SYNPO: variants seen among roughly 807,000 people sequenced by gnomAD.
The protein encoded by SYNPO is synaptopodin.
In SYNPO, 19 loss-of-function variants were observed where a neutral mutation model predicts 49.5. The observed-to-expected ratio is 0.38, with a 90% confidence interval of 0.27 to 0.56. The LOEUF (loss-of-function observed/expected upper bound fraction) is 0.56, where lower values mean the gene tolerates loss of function less well. Ranked by LOEUF, SYNPO falls within the 20% of genes least tolerant of loss-of-function variation. The pLI is 0.68. For synonymous variants in SYNPO, 536 were observed against 548.0 expected, an observed-to-expected ratio of 0.98 and a Z score of 0.31; for missense variants, 1,131 against 1,248.3, an observed-to-expected ratio of 0.91 and a Z score of 1.42.
At chr5:150,629,058 A>G (rs115497954) in intron 2 of SYNPO, among the ~76,000 whole-genome samples, 3,432 of 152,198 alleles carry the variant, frequency 0.023, 114 homozygotes, top group African/African-American at 0.077. Flanking sequence ...TGACTCGGCC[A>G]CCCAGGCTGG....
chr5:150,640,179 A>G (rs1396877628), upstream of SYNPO: 2 of 985,136 alleles, frequency 2.0e-6, no homozygotes, highest in African/African-American at 3.5e-5. Context: ...TAAATAATAC[A>G]CAAGGTGGTG....
Position 150,633,312 on chromosome 5 carries a change from G to A in SYNPO, c.400+14545G>A, listed in dbSNP as rs1299189682. Among the ~76,000 whole-genome samples the A allele has an allele frequency of 3.3e-5, 5 of 152,192 alleles. No homozygotes were observed. The East Asian group carries it at 7.7e-4, about 23-fold the overall frequency. ...GAAACTGAGGCTCCGCACATATAAG[G>A]CTTGCTAAAGGTCACCATAGCTAGT... On this transcript the variant is annotated intron_variant, in intron 2 of 2. Coordinates refer to the SYNPO transcript ENST00000394243.
At chr5:150,606,599 A>G (rs1756699722) in intron 1 of SYNPO, among the ~76,000 whole-genome samples, 1 of 152,230 alleles carries the variant, frequency 6.6e-6, no homozygotes, top group South Asian at 2.1e-4. Flanking sequence ...GGGGACCAGC[A>G]CTTTCACCTC....
intron 2 of SYNPO, among the ~76,000 whole-genome samples, chr5:150,631,224 C>T (rs542033209): frequency 2.0e-5 from 3 of 152,318 alleles, no homozygotes; most frequent in South Asian, 2.1e-4. Flanking sequence ...CCCTGCCCTG[C>T]GGGGACAGGC....
chr5:150,596,697 C>T (rs545918057), upstream of SYNPO, among the ~76,000 whole-genome samples: 13 of 152,230 alleles, frequency 8.5e-5, no homozygotes, highest in East Asian at 3.9e-4. Flanking sequence ...GCCCAGGGTA[C>T]CTTCTTGAGG....
chr5:150,602,869 G>A (rs1756581564), intron 1 of SYNPO, among the ~76,000 whole-genome samples: 2 of 152,104 alleles, frequency 1.3e-5, no homozygotes, highest in South Asian at 4.1e-4. Context: ...GTTCCTAAGA[G>A]CGTTGGTTTT....
intron 1 of SYNPO, among the ~76,000 whole-genome samples, chr5:150,647,135 C>T (rs1011884054): frequency 3.3e-5 from 5 of 150,966 alleles, no homozygotes; most frequent in East Asian, 2.0e-4. Context: ...CCCAGCTACT[C>T]GGGAGGCTGA....
At chr5:150,618,444 C>G (rs922311319) in exon 2 of SYNPO, 3 of 1,551,688 alleles carry the variant, frequency 1.9e-6, no homozygotes, top group Non-Finnish European at 1.7e-6. Context: ...TTCCAGATCC[C>G]TGATGGAAGC....
At chr5:150,635,364 G>A (rs1435106645) in intron 2 of SYNPO, among the ~76,000 whole-genome samples, 1 of 152,256 alleles carries the variant, frequency 6.6e-6, no homozygotes, top group African/African-American at 2.4e-5. Context: ...CCAGCATTAA[G>A]AGGCTACTGA....
At chr5:150,605,854 G>A (rs1581447820) in intron 1 of SYNPO, among the ~76,000 whole-genome samples, 1 of 151,484 alleles carries the variant, frequency 6.6e-6, no homozygotes, top group East Asian at 1.9e-4. Flanking sequence ...ACGCACGACA[G>A]TCACACAGAC....
upstream of SYNPO, among the ~76,000 whole-genome samples, chr5:150,639,583 G>C (rs574027843): frequency 2.6e-5 from 4 of 152,320 alleles, no homozygotes; most frequent in East Asian, 7.7e-4. Context: ...TTGCTAAGCT[G>C]TGAGACCTGG....
upstream of SYNPO, among the ~76,000 whole-genome samples, chr5:150,636,259 T>C (rs1292106006): frequency 6.6e-6 from 1 of 152,228 alleles, no homozygotes; most frequent in African/African-American, 2.4e-5. Context: ...TAAGCAGTAA[T>C]ATACCTGAGA....
chr5:150,609,786 C>CGGGG lies in SYNPO; in HGVS notation c.-265-8311_-265-8308dup, dbSNP rs71589719. ...GGGTGAGGGGGCACTGTGAATGTGG[C>CGGGG]GGGGGGGGGCAGTGTGGAGCAGTCT... On this transcript the variant is annotated intron_variant, in intron 1 of 2. Coordinates refer to the SYNPO transcript ENST00000394243. 7.3e-3 allele frequency among the ~76,000 whole-genome samples: 765 copies of CGGGG among 105,242 alleles called. 10 individuals are homozygous for CGGGG. Among genetic ancestry groups the CGGGG allele is most frequent in the African/African-American group, 0.015 (398 of 26,836 alleles). 69.0% of individuals were successfully genotyped at this position (105,242 alleles called of 152,430 possible). A position where few individuals can be genotyped will look rare whatever the true frequency, so the allele number is the denominator to read the frequency against.
chr5:150,609,921 G>A (rs973105261), intron 1 of SYNPO, among the ~76,000 whole-genome samples: 26 of 152,222 alleles, frequency 1.7e-4, no homozygotes, highest in African/African-American at 6.0e-4. Flanking sequence ...AAGGGAGACT[G>A]GACTTTGTGC....
intron 1 of SYNPO, among the ~76,000 whole-genome samples, chr5:150,609,792 G>A (rs569601085): frequency 2.6e-5 from 4 of 151,876 alleles, no homozygotes; most frequent in South Asian, 4.2e-4. Context: ...GTGGCGGGGG[G>A]GGGCAGTGTG....
chr5:150,656,063 AC>A (rs1289011692), intron 2 of SYNPO, among the ~76,000 whole-genome samples: 1 of 152,160 alleles, frequency 6.6e-6, no homozygotes, highest in African/African-American at 2.4e-5. Context: ...CCTCACAACA[AC>A]CCTATAAGGT....
chr5:150,611,796 C>T lies in SYNPO; in HGVS notation c.-265-6307C>T, dbSNP rs542182772. Among the ~76,000 whole-genome samples the T allele has an allele frequency of 3.9e-5, 6 of 152,312 alleles. No individual in the cohort carries two copies. In the East Asian group the frequency reaches 1.2e-3, roughly 29 times the overall value. Reference sequence around the variant, plus strand: ...GGACATCCCTCTGGGACTGACTACCCCAACTGGAAAACACTGGAAATGGGC... The same window carrying T: ...GGACATCCCTCTGGGACTGACTACCTCAACTGGAAAACACTGGAAATGGGC... On this transcript the variant is annotated intron_variant, in intron 1 of 2. Transcript: ENST00000394243.
chr5:150,588,130 A>G, the SYNPO span, among the ~76,000 whole-genome samples: 5 of 152,338 alleles, frequency 3.3e-5, no homozygotes, highest in African/African-American at 4.8e-5. Context: ...TCCATATTCC[A>G]TAGAGGATAG....
upstream of SYNPO, among the ~76,000 whole-genome samples, chr5:150,638,956 G>A (rs796411116): frequency 2.1e-4 from 32 of 152,364 alleles, no homozygotes; most frequent in African/African-American, 7.5e-4. Flanking sequence ...AGAGGTGGAA[G>A]CCTGGGCTGT....
Sources: gnomAD v4.1 joint callset for allele counts (sites outside exome capture counted in the v4.1 genomes callset) on GRCh38, gnomAD v4.1.1 for gene constraint, MANE v1.5 for transcripts, NCBI Gene and HGNC (gene_info 2026-07-23, HGNC 2026-07-21) for gene names.